Variants in CDH18 observed in about 807,000 individuals in gnomAD.
CDH18 encodes cadherin 18.
In CDH18, 31 loss-of-function variants were observed where a neutral mutation model predicts 67.9. The observed-to-expected ratio is 0.46, with a 90% CI of 0.34 to 0.62. CDH18 has a LOEUF of 0.62. Ranked by LOEUF, CDH18 falls within the 20% of genes least tolerant of loss-of-function variation. CDH18 has a pLI of 0.01. For synonymous variants in CDH18, 362 were observed against 347.2 expected, an observed-to-expected ratio of 1.04 and a Z score of -0.48; for missense variants, 890 against 975.5, an observed-to-expected ratio of 0.91 and a Z score of 1.17.
At chr5:19,917,244 T>C (rs929363986) in intron 2 of CDH18, among the ~76,000 whole-genome samples, 1 of 152,166 alleles carries the variant, frequency 6.6e-6, no homozygotes, top group Non-Finnish European at 1.5e-5. Context: ...ACAGAACCCA[T>C]TTTTCCATGT....
At chr5:19,694,575 A>G (rs1287785525) in intron 5 of CDH18, among the ~76,000 whole-genome samples, 1 of 152,164 alleles carries the variant, frequency 6.6e-6, no homozygotes, top group African/African-American at 2.4e-5. Flanking sequence ...GTTCATGTAC[A>G]TATTCACCAG....
chr5:20,260,535 G>T (rs1744569911), intron 1 of CDH18, among the ~76,000 whole-genome samples: 1 of 152,130 alleles, frequency 6.6e-6, no homozygotes, highest in Admixed American at 6.5e-5. Flanking sequence ...AACCCTGAAA[G>T]GGGGTGGACA....
At chr5:19,749,058 G>A (rs1425803256) in intron 3 of CDH18, among the ~76,000 whole-genome samples, 1 of 152,016 alleles carries the variant, frequency 6.6e-6, no homozygotes, top group Non-Finnish European at 1.5e-5. Context: ...TTGTATGCTT[G>A]TATGAAAATG....
intron 1 of CDH18, among the ~76,000 whole-genome samples, chr5:20,501,591 ATATTATATAT>A (rs1754316172): frequency 6.8e-5 from 1 of 14,752 alleles, no homozygotes; most frequent in Non-Finnish European, 1.5e-4. Context: ...TTATATATAT[ATATTATATAT>A]ATATATATAT....
chr5:20,075,027 T>C (rs1743802914), intron 2 of CDH18, among the ~76,000 whole-genome samples: 1 of 152,150 alleles, frequency 6.6e-6, no homozygotes, highest in Admixed American at 6.6e-5. Context: ...GAAAATACAC[T>C]GAAGAAAAAT....
intron 2 of CDH18, among the ~76,000 whole-genome samples, chr5:20,188,424 A>G (rs915629314): frequency 2.0e-5 from 3 of 151,976 alleles, no homozygotes; most frequent in Admixed American, 6.6e-5. Context: ...CCATACCCAC[A>G]TTGGTACCAT....
At chr5:19,865,434 G>C (rs928469094) in intron 2 of CDH18, among the ~76,000 whole-genome samples, 1 of 152,042 alleles carries the variant, frequency 6.6e-6, no homozygotes, top group South Asian at 2.1e-4. Flanking sequence ...TTCAAATGCT[G>C]GTAAATTCTA....
intron 2 of CDH18, among the ~76,000 whole-genome samples, chr5:19,855,559 CTGTT>C (rs1290959805): frequency 1.2e-4 from 18 of 151,994 alleles, no homozygotes; most frequent in East Asian, 1.9e-4. Context: ...AATAAAAAGA[CTGTT>C]TGGCACCTCC....
At chr5:20,196,215 T>A (rs576838319) in intron 2 of CDH18, among the ~76,000 whole-genome samples, 3 of 152,274 alleles carry the variant, frequency 2.0e-5, no homozygotes, top group South Asian at 4.1e-4. Context: ...TTTTGATAGA[T>A]CCCAGAATAT....
In CDH18 at chr5:20,536,896, G is replaced by T. The variant is rs573748551; in HGVS notation, c.-580+38566C>A. ...TCTCTTGTCCCACCACATAAAAACA[G>T]CCCATTGGAGCCTTGGATGGTCTAA... On this transcript the variant is annotated intron_variant, in intron 1 of 14. Coordinates refer to the CDH18 transcript ENST00000507958. Among the ~76,000 whole-genome samples the T allele has an allele frequency of 2.0e-5, 3 of 152,234 alleles. No individual in the cohort carries two copies. In the South Asian group the frequency reaches 6.2e-4, roughly 32 times the overall value.
At chr5:19,905,655 T>G (rs1037888435) in intron 2 of CDH18, among the ~76,000 whole-genome samples, 5 of 152,020 alleles carry the variant, frequency 3.3e-5, no homozygotes, top group African/African-American at 1.2e-4. Context: ...ATATACTTGT[T>G]TTTAACCTTT....
chr5:20,299,757 C>CA (rs368044422), intron 1 of CDH18, among the ~76,000 whole-genome samples: 39,062 of 107,410 alleles, frequency 0.36, 7,481 homozygotes, highest in South Asian at 0.39. Context: ...GGCTCTGTCT[C>CA]AAAAAAAAAA....
intron 9 of CDH18, among the ~76,000 whole-genome samples, chr5:19,525,069 G>T (rs952350196): frequency 1.3e-5 from 2 of 152,156 alleles, no homozygotes. Context: ...TTTCTGAAAA[G>T]GCAGGGTTAA....
intron 1 of CDH18, among the ~76,000 whole-genome samples, chr5:20,256,990 ATC>A (rs1725998792): frequency 7.8e-6 from 1 of 128,500 alleles, no homozygotes; most frequent in Non-Finnish European, 1.7e-5. Flanking sequence ...ATCTATATCT[ATC>A]TATCTATCTA....
chr5:19,546,684 C>T (rs910186189), intron 8 of CDH18, among the ~76,000 whole-genome samples: 6 of 152,124 alleles, frequency 3.9e-5, no homozygotes, highest in African/African-American at 1.4e-4. Flanking sequence ...GAAGGGTATG[C>T]AGAGCATATT....
chr5:20,333,818 G>C (rs926208249), intron 1 of CDH18, among the ~76,000 whole-genome samples: 3 of 152,026 alleles, frequency 2.0e-5, no homozygotes, highest in African/African-American at 7.2e-5. Context: ...CTTACTGGAG[G>C]CATCACTTTG....
At chr5:20,486,508 A>G (rs555110921) in intron 1 of CDH18, among the ~76,000 whole-genome samples, 1 of 152,012 alleles carries the variant, frequency 6.6e-6, no homozygotes, top group East Asian at 1.9e-4. Flanking sequence ...TCTGATTATT[A>G]AAGTTTTATT....
chr5:19,794,000 C>G (rs77203303), intron 3 of CDH18, among the ~76,000 whole-genome samples: 3,492 of 152,166 alleles, frequency 0.023, 88 homozygotes, highest in African/African-American at 0.069. Flanking sequence ...TTGAAATACC[C>G]TCTTGAAAAA....
intron 5 of CDH18, among the ~76,000 whole-genome samples, chr5:19,688,668 T>C (rs1017219419): frequency 2.0e-5 from 3 of 152,086 alleles, no homozygotes; most frequent in Non-Finnish European, 4.4e-5. Context: ...AGGATCCCAG[T>C]GATTTTTCAG....
Sources: gnomAD v4.1 joint callset for allele counts (sites outside exome capture counted in the v4.1 genomes callset) on GRCh38, gnomAD v4.1.1 for gene constraint, MANE v1.5 for transcripts, NCBI Gene and HGNC (gene_info 2026-07-23, HGNC 2026-07-21) for gene names.